The following ARHGAP18 variants were observed in gnomAD, a reference collection of about 807,000 sequenced individuals.
ARHGAP18 encodes the protein rho GTPase-activating protein 18.
ARHGAP18 carries 67 observed loss-of-function variants against 86.2 expected under a neutral mutation model. That is an observed-to-expected ratio of 0.78 (90% CI 0.64 to 0.95). The LOEUF (loss-of-function observed/expected upper bound fraction) is 0.95. Ranked by LOEUF, ARHGAP18 falls within the 40% of genes least tolerant of loss-of-function variation. ARHGAP18 has a pLI of 0.00. For missense variants in ARHGAP18, 691 were observed against 780.4 expected, an observed-to-expected ratio of 0.89 and a Z score of 1.37; for synonymous variants, 283 against 280.4, an observed-to-expected ratio of 1.01 and a Z score of -0.09.
chr6:129,597,755 A>G (rs1788643919), intron 12 of ARHGAP18, among the ~76,000 whole-genome samples: 1 of 152,204 alleles, frequency 6.6e-6, no homozygotes, highest in Admixed American at 6.5e-5. Flanking sequence ...AAAGAGGTAA[A>G]GTTACAGCTA....
Position 129,629,461 on chromosome 6 carries a change from A to G in ARHGAP18, c.678T>C (p.Pro226=), listed in dbSNP as rs2114487553. 6.2e-7 allele frequency: 1 copy of G among 1,613,828 alleles called. No individual in the cohort carries two copies. The highest frequency in any genetic ancestry group is 8.5e-7 in the Non-Finnish European group (1 of 1,179,920). Residue 226 remains proline (P), a synonymous_variant, in exon 5 of 15, where the codon CCT becomes CCC. Transcript: ENST00000368149. Reference sequence around the variant, plus strand: ...ATACCTCCAGGTTGATGTCTGTTTCAGGGGCAGGCGTCTCCTCAGGTGGGA... The same window carrying G: ...ATACCTCCAGGTTGATGTCTGTTTCGGGGGCAGGCGTCTCCTCAGGTGGGA... ...KLIPPEETPA[P]ETDINLEVSF...
chr6:129,700,961 C>T (rs898264385), intron 1 of ARHGAP18, among the ~76,000 whole-genome samples: 1 of 150,324 alleles, frequency 6.7e-6, no homozygotes, highest in Non-Finnish European at 1.5e-5. Flanking sequence ...GAACTAAGCA[C>T]TTTGCCAAGG....
chr6:129,582,366 C>A (rs1788306589), intron 13 of ARHGAP18, among the ~76,000 whole-genome samples: 1 of 152,068 alleles, frequency 6.6e-6, no homozygotes, highest in Non-Finnish European at 1.5e-5. Context: ...AGTAGAGGAA[C>A]AAAAGTACAG....
chr6:129,661,898 T>C, intron 1 of ARHGAP18: 1 of 985,374 alleles, frequency 1.0e-6, no homozygotes, highest in Non-Finnish European at 1.2e-6. Flanking sequence ...TGTTTAGAGC[T>C]GGTTTCAAGT....
At chr6:129,626,101 C>T (rs1254505837) in intron 5 of ARHGAP18, among the ~76,000 whole-genome samples, 1 of 132,380 alleles carries the variant, frequency 7.6e-6, no homozygotes, top group Non-Finnish European at 1.6e-5. Flanking sequence ...CACACACACA[C>T]ACACATATAT....
In ARHGAP18 at chr6:129,620,809, T is replaced by C. The variant is rs187141392; in HGVS notation, c.787-1957A>G. 3.4e-3 allele frequency among the ~76,000 whole-genome samples: 521 copies of C among 152,308 alleles called. 4 individuals carry two copies. The highest frequency in any genetic ancestry group is 0.012 in the African/African-American group (500 of 41,554). On this transcript the variant is annotated intron_variant, in intron 5 of 14. Coordinates refer to ENST00000368149, the MANE Select transcript of ARHGAP18 (RefSeq NM_033515.3). ...GGACCATTGGGGGTATCCAATATCC[T>C]TCCAAAAAGTTCAGAACTATTTTAA...
intron 1 of ARHGAP18, among the ~76,000 whole-genome samples, chr6:129,689,853 G>A (rs922523554): frequency 2.0e-5 from 3 of 152,202 alleles, no homozygotes; most frequent in South Asian, 2.1e-4. Context: ...CTGGAAAAAC[G>A]ATTCTTTGTG....
Position 129,706,889 on chromosome 6 carries a change from A to C in ARHGAP18, c.113+3135T>G, listed in dbSNP as rs564910545. Reference sequence around the variant, plus strand: ...TGACAGAGTAAGACTCTGTCTCAAAAAAAAAAAAAAAAAAAAAAGACTTGG... The same window carrying C: ...TGACAGAGTAAGACTCTGTCTCAAACAAAAAAAAAAAAAAAAAAGACTTGG... On this transcript the variant is annotated intron_variant, in intron 1 of 14. Transcript: ENST00000368149. Among the ~76,000 whole-genome samples the C allele has an allele frequency of 4.4e-3, 665 of 149,556 alleles. 4 individuals are homozygous for C. Among genetic ancestry groups the C allele is most frequent in the Non-Finnish European group, 6.1e-3 (407 of 67,270 alleles).
Position 129,581,376 on chromosome 6 carries a change from G to A in ARHGAP18, c.1839-1245C>T, listed in dbSNP as rs148052739. On this transcript the variant is annotated intron_variant, in intron 13 of 14. Transcript: ENST00000368149. The stretch of plus-strand genomic sequence containing the variant: ...GATCCACTTTGTTTCCAACTACAGT[G>A]TAGGTTTATCTTTTAAATTAAATAA... Among the ~76,000 whole-genome samples, 642 of 152,222 alleles carry A rather than the reference G, an allele frequency of 4.2e-3. 1 individual carries two copies. Among genetic ancestry groups the A allele is most frequent in the Non-Finnish European group, 6.7e-3 (458 of 68,004 alleles).
chr6:129,709,074 C>T (rs1478634336), intron 1 of ARHGAP18, among the ~76,000 whole-genome samples: 3 of 152,142 alleles, frequency 2.0e-5, no homozygotes, highest in Non-Finnish European at 4.4e-5. Flanking sequence ...ATTATTTCAG[C>T]TTAAGGCACA....
chr6:129,661,822 G>T, intron 1 of ARHGAP18: 4 of 973,576 alleles, frequency 4.1e-6, no homozygotes, highest in Non-Finnish European at 4.9e-6. Context: ...GCCCATCCCA[G>T]TCTCTTCATC....
At chr6:129,709,297 A>AT (rs927897829) in intron 1 of ARHGAP18, among the ~76,000 whole-genome samples, 2 of 152,108 alleles carry the variant, frequency 1.3e-5, no homozygotes, top group African/African-American at 2.4e-5. Flanking sequence ...GAAAAAAAAA[A>AT]GCCCTTGGAA....
At chr6:129,705,402 G>T (rs1409753475) in intron 1 of ARHGAP18, among the ~76,000 whole-genome samples, 2 of 152,138 alleles carry the variant, frequency 1.3e-5, no homozygotes, top group African/African-American at 4.8e-5. Context: ...ATTCTATCTT[G>T]CCATAGAGTC....
Position 129,603,731 on chromosome 6 carries a change from C to T in ARHGAP18, c.1365+2146G>A, listed in dbSNP as rs150277476. The stretch of plus-strand genomic sequence containing the variant: ...TTAAAATCAGTCTTCACTATTGTTC[C>T]AAGTCAAAGGTAGGTGTGATCATTG... On this transcript the variant is annotated intron_variant, in intron 10 of 14. Transcript: ENST00000368149. Among the ~76,000 whole-genome samples the T allele has an allele frequency of 1.9e-3, 282 of 152,222 alleles. 2 individuals are homozygous for T. The highest frequency in any genetic ancestry group is 1.9e-3 in the Non-Finnish European group (129 of 68,006).
At chr6:129,616,136 T>C (rs1789092578) in intron 7 of ARHGAP18, 76 bp downstream of exon 7, 2 of 1,176,868 alleles carry the variant, frequency 1.7e-6, no homozygotes, top group East Asian at 2.4e-5. Context: ...AAAACTGTAT[T>C]ATAATAATAT....
intron 12 of ARHGAP18, among the ~76,000 whole-genome samples, chr6:129,594,933 T>C (rs1788586038): frequency 6.6e-6 from 1 of 152,192 alleles, no homozygotes. Context: ...ATATCCTTCT[T>C]AGAGTCCTTC....
At chr6:129,676,393 G>C (rs1181164545) in intron 1 of ARHGAP18, among the ~76,000 whole-genome samples, 2 of 152,054 alleles carry the variant, frequency 1.3e-5, no homozygotes, top group African/African-American at 4.8e-5. Context: ...TCTATTCAAG[G>C]GGGTTTAAGG....
intron 5 of ARHGAP18, among the ~76,000 whole-genome samples, chr6:129,627,204 CTG>C (rs1789494978): frequency 6.6e-6 from 1 of 152,022 alleles, no homozygotes. Flanking sequence ...CAGGTGAAAA[CTG>C]TTAATAAGTC....
intron 14 of ARHGAP18, among the ~76,000 whole-genome samples, chr6:129,579,486 C>CA (rs1562674034): frequency 6.6e-6 from 1 of 150,940 alleles, no homozygotes; most frequent in East Asian, 1.9e-4. Flanking sequence ...TTCCAAGAGT[C>CA]AAAAAAGAAA....
Sources: allele counts gnomAD v4.1 joint callset (sites outside exome capture counted in the v4.1 genomes callset), GRCh38; gene constraint gnomAD v4.1.1; transcripts MANE v1.5; gene names NCBI Gene and HGNC (gene_info 2026-07-23, HGNC 2026-07-21).